Variants in PCDHGA11 observed in about 807,000 individuals in gnomAD.
PCDHGA11 encodes protocadherin gamma subfamily A, 11, also known as protocadherin gamma-A11.
A neutral mutation model predicts 60.4 loss-of-function variants in PCDHGA11; 39 were observed. The ratio of observed to expected loss-of-function variants is 0.65; its 90% CI spans 0.50 to 0.84. The LOEUF (loss-of-function observed/expected upper bound fraction) is 0.84. Ranked by LOEUF, PCDHGA11 falls within the 40% of genes least tolerant of loss-of-function variation. The probability of loss-of-function intolerance (pLI) is 0.00; values close to 1 mark genes in which losing one functional copy is unlikely to be tolerated. For synonymous variants in PCDHGA11, 533 were observed against 510.3 expected (o/e 1.04, Z -0.60); for missense variants, 1,165 against 1,197.7 (o/e 0.97, Z 0.40).
Position 141,487,779 on chromosome 5 carries a change from T to C in PCDHGA11, c.2434-7028T>C, listed in dbSNP as rs1269811316. On this transcript the variant is annotated intron_variant, in intron 1 of 3. Coordinates refer to ENST00000398587, the MANE Select transcript of PCDHGA11 (RefSeq NM_018914.3). This position sits in a 1 kb window ranked among gnomAD's most constrained non-coding sequence, Gnocchi z 5.0. ...GTAGACGCTGTGCTTTGTAACTGTT[T>C]CGTGAATTAACCAGAGTTGTCACAG... is the stretch of plus-strand genomic sequence containing the variant. 2.6e-6 allele frequency: 4 copies of C among 1,530,492 alleles called. No individual in the cohort carries two copies. The highest frequency in any genetic ancestry group is 2.6e-6 in the Non-Finnish European group (3 of 1,133,212). The allele number at this position is 1,530,492 out of a possible 1,614,324, so 94.8% of individuals were successfully genotyped here. A position where few individuals can be genotyped will look rare whatever the true frequency, so the allele number is the denominator to read the frequency against.
chr5:141,423,485 C>T lies in PCDHGA11; in HGVS notation c.2258C>T (p.Thr753Ile), dbSNP rs752918607. ...GACGGGGTACAGGCTTTCCTGCAAACCTATTCCCACGAGGTCTCTCTCATT... is the reference window on the plus strand; with the variant it reads ...GACGGGGTACAGGCTTTCCTGCAAATCTATTCCCACGAGGTCTCTCTCATT... ...GVDGVQAFLQ[T>I]YSHEVSLIAD... The change falls in exon 1 of 4, where the codon ACC (threonine) becomes ATC (isoleucine). Residue 753 changes from threonine (T) to isoleucine (I), a missense_variant. Transcript: ENST00000398587. The T allele has an allele frequency of 1.9e-5, 30 of 1,613,840 alleles. No homozygotes were observed. The highest frequency in any genetic ancestry group is 2.2e-5 in the Non-Finnish European group (26 of 1,179,936).
rs765047622 is a variant in PCDHGA11 at position 141,486,776 on chromosome 5, G to A, written c.2434-8031G>A. On this transcript the variant is annotated intron_variant, in intron 1 of 3. Coordinates refer to ENST00000398587, the MANE Select transcript of PCDHGA11 (RefSeq NM_018914.3). This position sits in a 1 kb window ranked among gnomAD's most constrained non-coding sequence, Gnocchi z 5.0. ...GCAAACCCAGACACTGCAGTTTGAGGTGCAGGCCCGGGATCGGGGCAACCC... is the reference window on the plus strand; with the variant it reads ...GCAAACCCAGACACTGCAGTTTGAGATGCAGGCCCGGGATCGGGGCAACCC... 1.2e-6 allele frequency: 2 copies of A among 1,614,254 alleles called. No individual in the cohort carries two copies. Among genetic ancestry groups the A allele is most frequent in the Non-Finnish European group, 1.7e-6 (2 of 1,180,050 alleles).
intron 1 of PCDHGA11, chr5:141,442,111 C>A: frequency 6.0e-6 from 1 of 166,354 alleles, no homozygotes; most frequent in Non-Finnish European, 1.3e-5. Context: ...CACTACCGCC[C>A]CTCGTCGCCG....
intron 2 of PCDHGA11, among the ~76,000 whole-genome samples, chr5:141,501,026 G>A (rs1053442173): frequency 7.9e-5 from 12 of 151,608 alleles, no homozygotes; most frequent in Non-Finnish European, 1.5e-4. Flanking sequence ...GCGCCACCAC[G>A]CCCAGCTAAT....
rs1453835891 is a variant in PCDHGA11 at position 141,477,494 on chromosome 5, T to G, written c.2434-17313T>G. On this transcript the variant is annotated intron_variant, in intron 1 of 3. Coordinates refer to ENST00000398587, the MANE Select transcript of PCDHGA11 (RefSeq NM_018914.3). The surrounding 1 kb of genome is among the most constrained non-coding windows in gnomAD (Gnocchi z 4.9). ...TGACAACCCTCCACAATCTTCTCAA[T>G]CTTCCTACGACGTTTACATTGAAGA... 1 of 1,614,088 alleles carries G rather than the reference T, an allele frequency of 6.2e-7. No individual in the cohort carries two copies.
Position 141,489,276 on chromosome 5 carries a change from AT to A in PCDHGA11, c.2434-5530del, listed in dbSNP as rs2099684949. 1.9e-6 allele frequency: 3 copies of A among 1,556,004 alleles called. No homozygotes were observed. Among genetic ancestry groups the A allele is most frequent in the Non-Finnish European group, 2.6e-6 (3 of 1,151,570 alleles). ...AGACACTCCCACAGCTCGCTGGGAA[AT>A]GGCAAGTGCTGTGCATGTTGTCCTT... On this transcript the variant is annotated intron_variant, in intron 1 of 3. Coordinates refer to ENST00000398587, the MANE Select transcript of PCDHGA11 (RefSeq NM_018914.3). This position sits in a 1 kb window ranked among gnomAD's most constrained non-coding sequence, Gnocchi z 4.5.
At position 141,477,843 on chromosome 5, in the gene PCDHGA11, C is replaced by T; in HGVS notation, c.2434-16964C>T. The T allele has an allele frequency of 6.2e-7, 1 of 1,613,408 alleles. No homozygotes were observed. Among genetic ancestry groups the T allele is most frequent in the Non-Finnish European group, 8.5e-7 (1 of 1,179,796 alleles). On this transcript the variant is annotated intron_variant, in intron 1 of 3. Coordinates refer to ENST00000398587, the MANE Select transcript of PCDHGA11 (RefSeq NM_018914.3). The surrounding 1 kb of genome is among the most constrained non-coding windows in gnomAD (Gnocchi z 4.9). Reference sequence around the variant, plus strand: ...CTATATCCTCGGCCAGGTGGGAGCTCGGTGGAGATGCTGCCTCGAGGTACC... The same window carrying T: ...CTATATCCTCGGCCAGGTGGGAGCTTGGTGGAGATGCTGCCTCGAGGTACC...
chr5:141,450,755 G>A (rs556795021), intron 1 of PCDHGA11, among the ~76,000 whole-genome samples: 8 of 152,040 alleles, frequency 5.3e-5, no homozygotes, highest in Admixed American at 1.3e-4. Context: ...CCAAAGTGCC[G>A]GGATTACAGG....
At chr5:141,468,330 C>CAAAAA (rs533390277) in intron 1 of PCDHGA11, 4 of 79,848 alleles carry the variant, frequency 5.0e-5, no homozygotes, top group African/African-American at 7.8e-5. Context: ...AACTCCATCT[C>CAAAAA]AAAAAAAAAA....
At chr5:141,452,240 C>G (rs1365703172) in intron 1 of PCDHGA11, among the ~76,000 whole-genome samples, 1 of 152,084 alleles carries the variant, frequency 6.6e-6, no homozygotes, top group Non-Finnish European at 1.5e-5. Flanking sequence ...TTCTTGTGTC[C>G]TTTTGCCATA....
In PCDHGA11 at chr5:141,431,930, C is replaced by A. The variant is rs761060241; in HGVS notation, c.2433+8270C>A. 236 of 1,613,932 alleles carry A rather than the reference C, an allele frequency of 1.5e-4. 1 individual carries two copies. The highest frequency in any genetic ancestry group is 1.4e-3 in the South Asian group (124 of 91,086). The stretch of plus-strand genomic sequence containing the variant: ...GATCTGTTTCATCCAAGGAAATCTG[C>A]CCTTTAAATTAGAAAAATCTTACGG... On this transcript the variant is annotated intron_variant, in intron 1 of 3. Transcript: ENST00000398587. This position sits in a 1 kb window ranked among gnomAD's most constrained non-coding sequence, Gnocchi z 4.8.
chr5:141,505,345 G>A (rs776607130), intron 2 of PCDHGA11, 48 bp from the exon 3 acceptor site: 13 of 1,613,086 alleles, frequency 8.1e-6, no homozygotes, highest in Non-Finnish European at 1.1e-5. Flanking sequence ...AGGGGCATGA[G>A]CTGTGCCGGC....
Position 141,485,932 on chromosome 5 carries a change from G to A in PCDHGA11, c.2434-8875G>A. ...CCAGCTACAGGATTAGTGTGTTGGA[G>A]AGCGCACCAGCGGGCATGGTGCTCA... On this transcript the variant is annotated intron_variant, in intron 1 of 3. Transcript: ENST00000398587. The surrounding 1 kb of genome is among the most constrained non-coding windows in gnomAD (Gnocchi z 5.7). The A allele has an allele frequency of 6.2e-7, 1 of 1,614,184 alleles. No homozygotes were observed. The highest frequency in any genetic ancestry group is 8.5e-7 in the Non-Finnish European group (1 of 1,180,042).
chr5:141,498,725 A>AGT (rs2099785409), intron 2 of PCDHGA11, among the ~76,000 whole-genome samples: 1 of 152,150 alleles, frequency 6.6e-6, no homozygotes, highest in Non-Finnish European at 1.5e-5. Flanking sequence ...TGAGGTCAGG[A>AGT]GTTTGAGACC....
At position 141,497,121 on chromosome 5, in the gene PCDHGA11, G is replaced by T. The variant is rs185298630; in HGVS notation, c.2492+2256G>T. Among the ~76,000 whole-genome samples, 563 of 152,212 alleles carry T rather than the reference G, an allele frequency of 3.7e-3. 5 individuals are homozygous for T. The highest frequency in any genetic ancestry group is 0.011 in the Admixed American group (164 of 15,296). On this transcript the variant is annotated intron_variant, in intron 2 of 3. Coordinates refer to ENST00000398587, the MANE Select transcript of PCDHGA11 (RefSeq NM_018914.3). Reference sequence around the variant, plus strand: ...GAACTGCTTGAACCCGGAAGGCAGAGGTTGCAGTGAGCTGAGATCACGAAA... The same window carrying T: ...GAACTGCTTGAACCCGGAAGGCAGATGTTGCAGTGAGCTGAGATCACGAAA...
chr5:141,421,901 G>A lies in PCDHGA11; in HGVS notation c.674G>A (p.Gly225Asp). ...ALDGGDPIRK[G>D]AVPIRVVVLD... ...GATGGAGGCGATCCCATCCGAAAGG[G>A]CGCAGTTCCCATTCGTGTGGTGGTC... is the stretch of plus-strand genomic sequence containing the variant. Residue 225 changes from glycine (G) to aspartate (D), a missense_variant, in exon 1 of 4, where the codon GGC (glycine) becomes GAC (aspartate). Gly to Asp is a moderately conservative substitution (Grantham distance 94). Coordinates refer to ENST00000398587, the MANE Select transcript of PCDHGA11 (RefSeq NM_018914.3). 1.9e-6 allele frequency: 3 copies of A among 1,613,724 alleles called. No individual in the cohort carries two copies. Among genetic ancestry groups the A allele is most frequent in the East Asian group, 2.2e-5 (1 of 44,880 alleles).
intron 1 of PCDHGA11, among the ~76,000 whole-genome samples, chr5:141,461,126 T>C (rs575819058): frequency 6.6e-6 from 1 of 152,260 alleles, no homozygotes; most frequent in Non-Finnish European, 1.5e-5. Flanking sequence ...TTTCATATAA[T>C]TACTTATTTT....
At chr5:141,459,300 A>G (rs954766370) in intron 1 of PCDHGA11, among the ~76,000 whole-genome samples, 2 of 152,202 alleles carry the variant, frequency 1.3e-5, no homozygotes, top group Non-Finnish European at 2.9e-5. Context: ...ATCCTATAAC[A>G]TATACTATTT....
rs1233148754 is a variant in PCDHGA11, at chr5:141,428,157, T to A, written c.2433+4497T>A. ...CCTGGGGCTGCACACGGGAACCTGC[T>A]GGTTGCTGTGCGTGACGGAGGACAG... On this transcript the variant is annotated intron_variant, in intron 1 of 3. Coordinates refer to ENST00000398587, the MANE Select transcript of PCDHGA11 (RefSeq NM_018914.3). The A allele has an allele frequency of 4.4e-6, 7 of 1,575,024 alleles. No individual in the cohort carries two copies. The East Asian group carries it at 1.6e-4, about 35-fold the overall frequency.
Sources: gnomAD v4.1 joint callset for allele counts (sites outside exome capture counted in the v4.1 genomes callset) on GRCh38, gnomAD v4.1.1 for gene constraint, Gnocchi (gnomAD v3.1) non-coding constraint, MANE v1.5 for transcripts, NCBI Gene and HGNC (gene_info 2026-07-23, HGNC 2026-07-21) for gene names.